LOXL1: variants seen among roughly 807,000 people sequenced by gnomAD.
LOXL1 encodes lysyl oxidase like 1, also known as lysyl oxidase homolog 1.
A neutral mutation model predicts 62.2 loss-of-function variants in LOXL1; 31 were observed. The observed-to-expected ratio is 0.50, with a 90% CI of 0.37 to 0.67. The LOEUF is 0.67. Among genes scored for constraint, LOXL1 ranks in the 30% least tolerant of loss-of-function variants. The pLI is 0.00. For synonymous variants in LOXL1, 403 were observed against 384.4 expected (o/e 1.05, Z -0.56); for missense variants, 775 against 843.4 (o/e 0.92, Z 1.00).
At chr15:73,948,892 C>T (rs1024829555) in intron 5 of LOXL1, among the ~76,000 whole-genome samples, 10 of 152,220 alleles carry the variant, frequency 6.6e-5, no homozygotes, top group African/African-American at 2.4e-4. Context: ...TGCATCTGTT[C>T]TTAGATGTTC....
Position 73,952,052 on chromosome 15 carries a change from G to A in LOXL1, c.*215G>A, listed in dbSNP as rs920386812. 1.2e-5 allele frequency: 5 copies of A among 405,232 alleles called. No individual in the cohort carries two copies. Among genetic ancestry groups the A allele is most frequent in the African/African-American group, 2.1e-5 (1 of 48,740 alleles). 25.1% of individuals were successfully genotyped at this position (405,232 alleles called of 1,614,324 possible). On this transcript the variant is annotated 3_prime_UTR_variant, in exon 7 of 7. Coordinates refer to ENST00000261921, the MANE Select transcript of LOXL1 (RefSeq NM_005576.4). ...CTTTTCTCTACAGTGTTGTTTTGTT[G>A]TTGTTGGTTTTTATTTTTTATACTT...
Position 73,927,108 on chromosome 15 carries a change from G to A in LOXL1, c.325G>A (p.Asp109Asn), listed in dbSNP as rs2068586108. ...GCCCCTGCCGGGGCGCGTGGGCTCG[G>A]ACACCGTGCGCGGCCAGGCGCGGCA... is the stretch of plus-strand genomic sequence containing the variant. ...SLPLPGRVGS[D>N]TVRGQARHPF... Residue 109 changes from aspartate (D) to asparagine (N), a missense_variant, in exon 1 of 7, where the codon GAC becomes AAC. Asp to Asn is a conservative substitution (Grantham distance 23). Coordinates refer to ENST00000261921, the MANE Select transcript of LOXL1 (RefSeq NM_005576.4). 2 of 1,347,316 alleles carry A rather than the reference G, an allele frequency of 1.5e-6. No individual in the cohort carries two copies. Among genetic ancestry groups the A allele is most frequent in the Non-Finnish European group, 1.9e-6 (2 of 1,044,014 alleles). The allele number at this position is 1,347,316 out of a possible 1,614,324, so 83.5% of individuals were successfully genotyped here. A position where few individuals can be genotyped will look rare whatever the true frequency, so the allele number is the denominator to read the frequency against.
intron 1 of LOXL1, chr15:73,941,960 C>A: frequency 3.4e-6 from 1 of 295,384 alleles, no homozygotes; most frequent in Non-Finnish European, 7.5e-6. Flanking sequence ...CTGGCACATC[C>A]TGGGGAACAA....
intron 6 of LOXL1, among the ~76,000 whole-genome samples, chr15:73,951,483 C>T (rs1228545177): frequency 2.6e-5 from 4 of 151,428 alleles, no homozygotes; most frequent in Admixed American, 2.6e-4. Context: ...GGGTTTCCAT[C>T]GTGTTTCTGG....
At chr15:73,947,042 T>C in intron 3 of LOXL1, 25 bp from the exon 4 acceptor site, 1 of 1,566,086 alleles carries the variant, frequency 6.4e-7, no homozygotes, top group Non-Finnish European at 8.7e-7. Flanking sequence ...GCCCTCTTCT[T>C]TCTCCTTCTC....
intron 1 of LOXL1, among the ~76,000 whole-genome samples, chr15:73,933,330 C>T (rs939057296): frequency 9.2e-5 from 14 of 152,190 alleles, no homozygotes; most frequent in African/African-American, 3.1e-4. Context: ...GGGCCCTGGC[C>T]TCACTCTGTT....
chr15:73,940,469 TTTAGC>T (rs2068706409), intron 1 of LOXL1, among the ~76,000 whole-genome samples: 1 of 152,022 alleles, frequency 6.6e-6, no homozygotes, highest in Non-Finnish European at 1.5e-5. Flanking sequence ...TTTTTTTTCC[TTTAGC>T]TGAAGAGCTT....
chr15:73,935,499 G>A (rs2068664319), intron 1 of LOXL1, among the ~76,000 whole-genome samples: 1 of 152,196 alleles, frequency 6.6e-6, no homozygotes, highest in African/African-American at 2.4e-5. Flanking sequence ...GGGCCTGAGA[G>A]GGCAAGGAGG....
intron 6 of LOXL1, among the ~76,000 whole-genome samples, chr15:73,950,196 C>T (rs1190060994): frequency 1.3e-5 from 2 of 151,938 alleles, no homozygotes; most frequent in African/African-American, 4.8e-5. Flanking sequence ...AGTCTTTCTC[C>T]TGATTCCCCA....
At chr15:73,943,053 C>A in intron 2 of LOXL1, 91 bp downstream of exon 2, 1 of 1,009,812 alleles carries the variant, frequency 9.9e-7, no homozygotes, top group Non-Finnish European at 1.6e-6. Context: ...GCTAGGCTGT[C>A]TGCAAGCTGA....
rs775485350 is a variant in LOXL1, at chr15:73,946,441, C to T, written c.1236C>T (p.Thr412=). The change falls in exon 3 of 7, where the codon ACC becomes ACT. Residue 412 remains threonine, a synonymous_variant. Coordinates refer to ENST00000261921, the MANE Select transcript of LOXL1 (RefSeq NM_005576.4). ...GCACAGCCTATGCCCCTGAGGCCAC[C>T]GACTACGATGTGCGGGTGCTACTGC... ...LASTAYAPEA[T]DYDVRVLLRF... 90 of 1,613,270 alleles carry T rather than the reference C, an allele frequency of 5.6e-5. No individual in the cohort carries two copies. The highest frequency in any genetic ancestry group is 1.7e-4 in the Middle Eastern group (1 of 6,058).
intron 2 of LOXL1, 24 bp from the exon 3 acceptor site, chr15:73,946,389 CCCCT>C: frequency 6.6e-7 from 1 of 1,513,644 alleles, no homozygotes; most frequent in Non-Finnish European, 9.1e-7. Flanking sequence ...GCCCCAACCC[CCCCT>C]CATCTCCCCC....
rs754733041 is a variant in LOXL1, at chr15:73,927,219, G to A, written c.436G>A (p.Val146Ile). 6.3e-7 allele frequency: 1 copy of A among 1,595,332 alleles called. No individual in the cohort carries two copies. Among genetic ancestry groups the A allele is most frequent in the South Asian group, 1.1e-5 (1 of 89,772 alleles). Residue 146 changes from valine to isoleucine, a missense_variant, in exon 1 of 7, where the codon GTC becomes ATC. Transcript: ENST00000261921. Reference sequence around the variant, plus strand: ...GGGCATGGCCCGGGCCCGCACCTCCGTCTCCCAGCAACGGCACGGGGGCTC... The same window carrying A: ...GGGCATGGCCCGGGCCCGCACCTCCATCTCCCAGCAACGGCACGGGGGCTC... ...STGMARARTSVSQQRHGGSAS... is the reference protein window; with the variant it reads ...STGMARARTSISQQRHGGSAS...
chr15:73,948,017 C>A, intron 5 of LOXL1, 115 bp downstream of exon 5: 1 of 690,130 alleles, frequency 1.4e-6, no homozygotes, highest in Non-Finnish European at 2.4e-6. Flanking sequence ...AGCTGCCGAG[C>A]AGAGGCAGCA....
chr15:73,927,218 C>T lies in LOXL1; in HGVS notation c.435C>T (p.Ser145=). Residue 145 remains serine, a synonymous_variant, in exon 1 of 7, where the codon TCC becomes TCT. Transcript: ENST00000261921. The part of the protein sequence containing the change: ...DSTGMARART[S]VSQQRHGGSA... Reference sequence around the variant, plus strand: ...CGGGCATGGCCCGGGCCCGCACCTCCGTCTCCCAGCAACGGCACGGGGGCT... The same window carrying T: ...CGGGCATGGCCCGGGCCCGCACCTCTGTCTCCCAGCAACGGCACGGGGGCT... The T allele has an allele frequency of 6.3e-7, 1 of 1,595,534 alleles. No homozygotes were observed. The highest frequency in any genetic ancestry group is 8.5e-7 in the Non-Finnish European group (1 of 1,176,182).
At chr15:73,938,323 A>ATCTATCTATCTATC (rs1445292675) in intron 1 of LOXL1, among the ~76,000 whole-genome samples, 57 of 61,102 alleles carry the variant, frequency 9.3e-4, no homozygotes, top group African/African-American at 3.1e-3. Flanking sequence ...ATCTAGGTAG[A>ATCTATCTATCTATC]TAGATAGAAC....
chr15:73,949,078 G>A (rs1247780856), intron 5 of LOXL1, among the ~76,000 whole-genome samples: 1 of 146,710 alleles, frequency 6.8e-6, no homozygotes, highest in Non-Finnish European at 1.5e-5. Flanking sequence ...CACCTAGACA[G>A]GGATGCATAG....
intron 1 of LOXL1, among the ~76,000 whole-genome samples, chr15:73,933,930 G>A (rs1291380865): frequency 1.3e-5 from 2 of 152,222 alleles, no homozygotes; most frequent in Admixed American, 6.5e-5. Flanking sequence ...TCTTTTTGTC[G>A]GGACTCATGA....
intron 2 of LOXL1, 23 bp from the exon 3 acceptor site, chr15:73,946,394 C>CCAAAA: frequency 6.4e-7 from 1 of 1,558,140 alleles, no homozygotes; most frequent in Non-Finnish European, 8.8e-7. Flanking sequence ...AACCCCCCCT[C>CCAAAA]ATCTCCCCCG....
Sources: allele counts gnomAD v4.1 joint callset (sites outside exome capture counted in the v4.1 genomes callset), GRCh38; gene constraint gnomAD v4.1.1; transcripts MANE v1.5; gene names NCBI Gene and HGNC (gene_info 2026-07-23, HGNC 2026-07-21).